CSMD1: variants seen among roughly 807,000 people sequenced by gnomAD.
The protein encoded by CSMD1 is CUB and Sushi multiple domains 1.
A neutral mutation model predicts 417.5 loss-of-function variants in CSMD1; 213 were observed. The ratio of observed to expected loss-of-function variants is 0.51; its 90% CI spans 0.46 to 0.57. CSMD1 has a LOEUF of 0.57. Among genes scored for constraint, CSMD1 ranks in the 20% least tolerant of loss-of-function variants. The pLI is 0.00. For synonymous variants in CSMD1, 2,862 were observed against 1,736.8 expected (o/e 1.65, Z -16.11); for missense variants, 6,923 against 4,529.7 (o/e 1.53, Z -15.17).
intron 3 of CSMD1, among the ~76,000 whole-genome samples, chr8:4,266,953 T>A (rs1804264545): frequency 9.6e-6 from 1 of 104,624 alleles, no homozygotes; most frequent in East Asian, 2.6e-4. Flanking sequence ...TATTATTGAA[T>A]AAAATTAACA....
chr8:3,739,028 T>G (rs184629643), intron 6 of CSMD1, among the ~76,000 whole-genome samples: 1 of 152,236 alleles, frequency 6.6e-6, no homozygotes, highest in Non-Finnish European at 1.5e-5. Context: ...TATGTCTTTC[T>G]TTTTTCTGTT....
At chr8:4,358,622 C>G (rs887851222) in intron 3 of CSMD1, among the ~76,000 whole-genome samples, 1 of 152,128 alleles carries the variant, frequency 6.6e-6, no homozygotes, top group Non-Finnish European at 1.5e-5. Context: ...CAGGGTATAA[C>G]TATATCATGC....
At chr8:3,538,555 C>T (rs546410085) in intron 10 of CSMD1, among the ~76,000 whole-genome samples, 9 of 152,370 alleles carry the variant, frequency 5.9e-5, no homozygotes, top group Admixed American at 1.3e-4. Flanking sequence ...CGCACTTGAG[C>T]TGGCTAACCT....
chr8:4,710,863 A>C (rs999746262), intron 1 of CSMD1, among the ~76,000 whole-genome samples: 7 of 151,650 alleles, frequency 4.6e-5, no homozygotes, highest in Admixed American at 3.3e-4. Flanking sequence ...TAATAATAAT[A>C]AATAAAAATA....
chr8:3,420,191 A>G (rs1045978921), intron 12 of CSMD1, among the ~76,000 whole-genome samples: 1 of 152,212 alleles, frequency 6.6e-6, no homozygotes, highest in Non-Finnish European at 1.5e-5. Context: ...CTTAAAAGAT[A>G]CAACTACTTT....
chr8:4,917,189 G>C (rs768746543), intron 1 of CSMD1, among the ~76,000 whole-genome samples: 62 of 152,144 alleles, frequency 4.1e-4, no homozygotes, highest in South Asian at 6.2e-4. Context: ...GAGAGAAGTG[G>C]GAGGTGCTAC....
At position 3,829,885 on chromosome 8, in the gene CSMD1, T is replaced by C. The variant is rs564308083; in HGVS notation, c.819-75843A>G. On this transcript the variant is annotated intron_variant, in intron 5 of 69. Coordinates refer to ENST00000635120, the MANE Select transcript of CSMD1 (RefSeq NM_033225.6). ...CTTAGAAAACACTGTTATGTGAACA[T>C]CTATCTACATAGATCTATTGGGAAA... Among the ~76,000 whole-genome samples, 6 of 152,308 alleles carry C rather than the reference T, an allele frequency of 3.9e-5. No individual in the cohort carries two copies. In the South Asian group the frequency reaches 6.2e-4, roughly 16 times the overall value.
chr8:3,642,091 A>C (rs1352387039), intron 7 of CSMD1, among the ~76,000 whole-genome samples: 1 of 152,162 alleles, frequency 6.6e-6, no homozygotes, highest in Non-Finnish European at 1.5e-5. Context: ...AGGATACAGC[A>C]GATACAGCCT....
At chr8:3,091,397 T>C in intron 48 of CSMD1, 119 bp downstream of exon 48, 1 of 672,456 alleles carries the variant, frequency 1.5e-6, no homozygotes, top group East Asian at 3.2e-5. Context: ...CTACTGTAGT[T>C]AATTATTAAT....
intron 12 of CSMD1, among the ~76,000 whole-genome samples, chr8:3,417,176 G>C (rs146557271): frequency 1.3e-5 from 2 of 152,282 alleles, no homozygotes; most frequent in Non-Finnish European, 2.9e-5. Flanking sequence ...ATGAAGAGTT[G>C]AGATTCTTCA....
intron 3 of CSMD1, among the ~76,000 whole-genome samples, chr8:4,042,543 T>G (rs1170570117): frequency 1.3e-5 from 2 of 151,864 alleles, no homozygotes; most frequent in Non-Finnish European, 2.9e-5. Flanking sequence ...ACAAGGAATA[T>G]TAAAATGAGT....
chr8:3,966,753 ACGCGCGCG>A (rs58896410), intron 5 of CSMD1, among the ~76,000 whole-genome samples: 2,737 of 150,578 alleles, frequency 0.018, 77 homozygotes, highest in African/African-American at 0.062. Flanking sequence ...ACACACACAC[ACGCGCGCG>A]CGCGCACACA....
chr8:4,241,978 C>G (rs1444413004), intron 3 of CSMD1, among the ~76,000 whole-genome samples: 1 of 152,150 alleles, frequency 6.6e-6, no homozygotes, highest in Non-Finnish European at 1.5e-5. Context: ...GATTAACATG[C>G]CAACAGTGCT....
intron 51 of CSMD1, among the ~76,000 whole-genome samples, chr8:3,021,357 T>C (rs1340354006): frequency 1.3e-5 from 2 of 152,232 alleles, no homozygotes; most frequent in African/African-American, 2.4e-5. Flanking sequence ...GTAAACTCAA[T>C]GCATTAATAA....
At chr8:4,688,288 T>C (rs933914929) in intron 1 of CSMD1, among the ~76,000 whole-genome samples, 1 of 152,176 alleles carries the variant, frequency 6.6e-6, no homozygotes, top group Non-Finnish European at 1.5e-5. Flanking sequence ...AATGAATCTA[T>C]GTCAAAAAAC....
intron 45 of CSMD1, 76 bp downstream of exon 45, chr8:3,107,642 G>T: frequency 1.2e-6 from 1 of 820,378 alleles, no homozygotes; most frequent in Non-Finnish European, 2.0e-6. Flanking sequence ...ACTTGTCTGA[G>T]TAATGATTAC....
At chr8:3,537,966 C>T (rs1326880368) in intron 10 of CSMD1, among the ~76,000 whole-genome samples, 1 of 152,086 alleles carries the variant, frequency 6.6e-6, no homozygotes, top group African/African-American at 2.4e-5. Flanking sequence ...CTCAGGGTAT[C>T]GTTTATTCTT....
In CSMD1 at chr8:4,648,020, C is replaced by T. The variant is rs182965349; in HGVS notation, c.86-10462G>A. 9.8e-5 allele frequency among the ~76,000 whole-genome samples: 15 copies of T among 152,302 alleles called. No individual in the cohort carries two copies. In the East Asian group the frequency reaches 2.9e-3, roughly 30 times the overall value. ...TCTTCCTCAGTTGTTGAACTAATTT[C>T]CATTCCCACCAACAGTGGAAAAGTG... On this transcript the variant is annotated intron_variant, in intron 1 of 69. Transcript: ENST00000635120.
At chr8:4,704,546 G>C (rs897494110) in intron 1 of CSMD1, among the ~76,000 whole-genome samples, 4 of 152,114 alleles carry the variant, frequency 2.6e-5, no homozygotes, top group Non-Finnish European at 4.4e-5. Context: ...TACAGAAATT[G>C]ACTGCTTTTG....
Sources: allele counts gnomAD v4.1 joint callset (sites outside exome capture counted in the v4.1 genomes callset), GRCh38; gene constraint gnomAD v4.1.1; transcripts MANE v1.5; gene names NCBI Gene and HGNC (gene_info 2026-07-23, HGNC 2026-07-21).